The following EYS variants were observed in gnomAD, a reference collection of about 807,000 sequenced individuals.
The protein encoded by EYS is EGF-like photoreceptor maintenance factor.
EYS carries 250 observed loss-of-function variants against 282.1 expected under a neutral mutation model. The observed-to-expected ratio is 0.89, with a 90% confidence interval of 0.80 to 0.98. The LOEUF (loss-of-function observed/expected upper bound fraction) is 0.98, where lower values mean the gene tolerates loss of function less well. EYS is among the 50% of genes least tolerant of loss of function. The pLI is 0.00. For missense variants in EYS, 4,016 were observed against 3,709.0 expected (o/e 1.08, Z -2.15); for synonymous variants, 1,355 against 1,282.9 (o/e 1.06, Z -1.20).
intron 29 of EYS, among the ~76,000 whole-genome samples, chr6:64,312,434 A>AG (rs768373046): frequency 6.6e-6 from 1 of 152,174 alleles, no homozygotes; most frequent in Non-Finnish European, 1.5e-5. Context: ...ACTAGGGGAA[A>AG]GGGTGGCTGT....
intron 41 of EYS, among the ~76,000 whole-genome samples, chr6:63,751,978 C>G (rs534434434): frequency 3.2e-4 from 48 of 152,254 alleles, no homozygotes; most frequent in African/African-American, 9.6e-4. Flanking sequence ...TTATGATAGG[C>G]AAAGACATCT....
chr6:64,393,282 A>C (rs1165957735), intron 28 of EYS, among the ~76,000 whole-genome samples: 1 of 152,188 alleles, frequency 6.6e-6, no homozygotes, highest in Non-Finnish European at 1.5e-5. Context: ...CTCATTTTAT[A>C]AGGCCAGCAT....
intron 30 of EYS, among the ~76,000 whole-genome samples, chr6:64,252,065 T>C (rs758684242): frequency 2.0e-5 from 3 of 152,162 alleles, no homozygotes; most frequent in Non-Finnish European, 2.9e-5. Flanking sequence ...GTATAAATTA[T>C]GATGGAATTG....
intron 29 of EYS, among the ~76,000 whole-genome samples, chr6:64,343,201 C>T (rs1388669956): frequency 2.2e-4 from 34 of 152,018 alleles, no homozygotes; most frequent in Non-Finnish European, 3.4e-4. Flanking sequence ...CTGCACCAAG[C>T]GGACCTAATA....
intron 1 of EYS, among the ~76,000 whole-genome samples, chr6:65,706,763 G>T (rs1769893832): frequency 1.3e-5 from 2 of 152,016 alleles, no homozygotes; most frequent in South Asian, 4.1e-4. Context: ...GACATTTCAT[G>T]GCCCTATGTA....
At chr6:65,619,282 T>A (rs1766366548) in intron 2 of EYS, among the ~76,000 whole-genome samples, 1 of 151,566 alleles carries the variant, frequency 6.6e-6, no homozygotes, top group African/African-American at 2.4e-5. Context: ...CCTTGTAAGT[T>A]GGATTCCTAG....
intron 28 of EYS, among the ~76,000 whole-genome samples, chr6:64,428,602 T>C (rs897445388): frequency 1.3e-5 from 2 of 152,168 alleles, no homozygotes; most frequent in Admixed American, 1.3e-4. Context: ...ATGCTAATCT[T>C]TGTTTCCATA....
intron 33 of EYS, among the ~76,000 whole-genome samples, chr6:64,003,594 AAATT>A (rs762825154): frequency 1.3e-5 from 2 of 152,218 alleles, no homozygotes; most frequent in African/African-American, 4.8e-5. Context: ...CAAAACTTAA[AAATT>A]AAAAAAAAAT....
intron 28 of EYS, among the ~76,000 whole-genome samples, chr6:64,410,708 T>C (rs1471998164): frequency 6.6e-6 from 1 of 152,142 alleles, no homozygotes; most frequent in Non-Finnish European, 1.5e-5. Flanking sequence ...TTTAGAGTAA[T>C]ATGACAAATA....
intron 33 of EYS, among the ~76,000 whole-genome samples, chr6:64,044,907 G>A (rs1248640758): frequency 6.6e-6 from 1 of 152,112 alleles, no homozygotes; most frequent in Non-Finnish European, 1.5e-5. Flanking sequence ...TGAAAAATAT[G>A]AAATGCAGTG....
intron 19 of EYS, among the ~76,000 whole-genome samples, chr6:64,850,444 C>A (rs900392538): frequency 1.3e-5 from 2 of 151,826 alleles, no homozygotes; most frequent in Admixed American, 6.6e-5. Flanking sequence ...GAGGGTCCTC[C>A]CTGAAGAAGT....
intron 29 of EYS, among the ~76,000 whole-genome samples, chr6:64,317,033 C>G (rs912784278): frequency 3.3e-5 from 5 of 152,124 alleles, no homozygotes; most frequent in African/African-American, 4.8e-5. Flanking sequence ...GAAACTGGAT[C>G]CCCTCCTTAC....
chr6:65,265,504 C>A (rs923416710), intron 12 of EYS, among the ~76,000 whole-genome samples: 11 of 151,834 alleles, frequency 7.2e-5, no homozygotes, highest in Non-Finnish European at 1.3e-4. Context: ...GTGAATATGT[C>A]TATTATTATA....
chr6:63,834,149 G>T (rs1313243669), intron 36 of EYS, among the ~76,000 whole-genome samples: 1 of 152,062 alleles, frequency 6.6e-6, no homozygotes, highest in African/African-American at 2.4e-5. Context: ...CATAGGCAGG[G>T]GCAAGGACTT....
chr6:64,973,783 T>TA (rs1770379106), intron 14 of EYS, among the ~76,000 whole-genome samples: 2 of 151,970 alleles, frequency 1.3e-5, no homozygotes, highest in African/African-American at 4.8e-5. Flanking sequence ...TTGGAAATAT[T>TA]ACCTGCATTT....
intron 31 of EYS, among the ~76,000 whole-genome samples, chr6:64,196,838 T>C (rs1226194542): frequency 6.6e-6 from 1 of 152,016 alleles, no homozygotes; most frequent in Non-Finnish European, 1.5e-5. Context: ...GGCACATGTA[T>C]ACATATGTAA....
chr6:64,271,745 A>G (rs1292314232), intron 30 of EYS, among the ~76,000 whole-genome samples: 1 of 151,684 alleles, frequency 6.6e-6, no homozygotes, highest in East Asian at 1.9e-4. Flanking sequence ...CACTTTATCC[A>G]CCTCATTTTG....
At chr6:64,597,458 A>G (rs1444437870) in intron 24 of EYS, among the ~76,000 whole-genome samples, 6 of 152,206 alleles carry the variant, frequency 3.9e-5, no homozygotes, top group Non-Finnish European at 7.3e-5. Flanking sequence ...AAGATGTGGA[A>G]TCCACCTATC....
chr6:63,829,445 C>T (rs2149690151), intron 36 of EYS, among the ~76,000 whole-genome samples: 1 of 152,304 alleles, frequency 6.6e-6, no homozygotes, highest in African/African-American at 2.4e-5. Context: ...GGTCCCACGC[C>T]CACAGAGCCT....
Sources: allele counts gnomAD v4.1 joint callset (sites outside exome capture counted in the v4.1 genomes callset), GRCh38; gene constraint gnomAD v4.1.1; transcripts MANE v1.5; gene names NCBI Gene and HGNC (gene_info 2026-07-23, HGNC 2026-07-21).